The following ADGRG5 variants were observed in gnomAD, a reference collection of about 807,000 sequenced individuals.
The protein encoded by ADGRG5 is G protein-coupled receptor 114.
In ADGRG5, 37 loss-of-function variants were observed where a neutral mutation model predicts 53.2. The ratio of observed to expected loss-of-function variants is 0.70; its 90% CI spans 0.53 to 0.91. The LOEUF (loss-of-function observed/expected upper bound fraction) is 0.91. Ranked by LOEUF, ADGRG5 falls within the 40% of genes least tolerant of loss-of-function variation. The pLI, the probability that ADGRG5 is intolerant of heterozygous loss-of-function variation, is 0.00. For synonymous variants in ADGRG5, 277 were observed against 290.4 expected (o/e 0.95, Z 0.47); for missense variants, 614 against 675.8 (o/e 0.91, Z 1.01).
At chr16:57,567,619 GC>G in intron 8 of ADGRG5, 28 bp downstream of exon 8, 1 of 1,604,124 alleles carries the variant, frequency 6.2e-7, no homozygotes. Flanking sequence ...TGCTGGGCCT[GC>G]CCTGCACTGT....
the ADGRG5 span, among the ~76,000 whole-genome samples, chr16:57,536,956 T>A: frequency 6.6e-6 from 1 of 152,180 alleles, no homozygotes. Flanking sequence ...TTCACTGTTG[T>A]TACCTGCATT....
chr16:57,555,247 A>C (rs2032856020), intron 1 of ADGRG5, among the ~76,000 whole-genome samples: 1 of 152,126 alleles, frequency 6.6e-6, no homozygotes, highest in Admixed American at 6.5e-5. Context: ...CTCATCTTGA[A>C]TTGTAGTTCC....
upstream of ADGRG5, among the ~76,000 whole-genome samples, chr16:57,540,653 A>C (rs2032475963): frequency 1.3e-5 from 2 of 152,178 alleles, no homozygotes; most frequent in African/African-American, 4.8e-5. Flanking sequence ...AGGGCTTCCC[A>C]GGTACATGTG....
intron 11 of ADGRG5, 53 bp from the exon 12 acceptor site, chr16:57,575,385 G>C: frequency 6.5e-7 from 1 of 1,541,108 alleles, no homozygotes; most frequent in Non-Finnish European, 9.0e-7. Context: ...AGGAGACCCT[G>C]GCCTTTGGGG....
intron 8 of ADGRG5, 32 bp from the exon 9 acceptor site, chr16:57,567,817 ATGTCCCT>A (rs1463463861): frequency 2.5e-6 from 4 of 1,585,158 alleles, no homozygotes; most frequent in Non-Finnish European, 3.4e-6. Context: ...TGCCTGGGTG[ATGTCCCT>A]GGGCCATGGA....
At chr16:57,570,385 C>T (rs1356989812) in intron 9 of ADGRG5, 33 bp from the exon 10 acceptor site, 1 of 1,463,896 alleles carries the variant, frequency 6.8e-7, no homozygotes, top group Admixed American at 1.7e-5. Context: ...CAGCCCTCTC[C>T]CACATCTCCT....
At chr16:57,571,585 A>G (rs1322696402) in intron 10 of ADGRG5, among the ~76,000 whole-genome samples, 3 of 152,036 alleles carry the variant, frequency 2.0e-5, no homozygotes, top group Admixed American at 6.5e-5. Context: ...ATCATCCCCA[A>G]CCTACAGATG....
chr16:57,541,531 G>A (rs561119238), upstream of ADGRG5, among the ~76,000 whole-genome samples: 1 of 152,348 alleles, frequency 6.6e-6, no homozygotes, highest in South Asian at 2.1e-4. Context: ...CCTCCAAGGA[G>A]CAGCTCCCTC....
At chr16:57,551,196 A>G (rs2107236) in intron 1 of ADGRG5, among the ~76,000 whole-genome samples, 80,910 of 152,090 alleles carry the variant, frequency 0.53, 23,190 homozygotes, top group African/African-American at 0.73. Flanking sequence ...GCTGGTGGAA[A>G]GTCTTGCCTT....
At chr16:57,543,751 C>T (rs1177953626) in intron 1 of ADGRG5, among the ~76,000 whole-genome samples, 4 of 152,076 alleles carry the variant, frequency 2.6e-5, no homozygotes, top group African/African-American at 9.7e-5. Flanking sequence ...GGTGCATGGT[C>T]AGCTGTAGGG....
chr16:57,564,612 G>A (rs1237053749), intron 5 of ADGRG5, among the ~76,000 whole-genome samples: 1 of 152,198 alleles, frequency 6.6e-6, no homozygotes, highest in African/African-American at 2.4e-5. Flanking sequence ...TGATCTTAGA[G>A]ATTTAATGTC....
chr16:57,554,389 T>G (rs2032826204), intron 1 of ADGRG5, among the ~76,000 whole-genome samples: 1 of 151,946 alleles, frequency 6.6e-6, no homozygotes, highest in South Asian at 2.1e-4. Flanking sequence ...TTTTTTTTCT[T>G]TTTTCGAGAC....
intron 3 of ADGRG5, chr16:57,562,722 G>A: frequency 1.8e-6 from 1 of 552,860 alleles, no homozygotes; most frequent in Non-Finnish European, 3.2e-6. Flanking sequence ...TGGGAAGGGG[G>A]TCTAAGATTC....
chr16:57,530,435 C>A, the ADGRG5 span, among the ~76,000 whole-genome samples: 1 of 152,192 alleles, frequency 6.6e-6, no homozygotes, highest in Admixed American at 6.5e-5. Context: ...GTCCACAGAT[C>A]TTCACACCTG....
chr16:57,537,270 C>T, the ADGRG5 span, among the ~76,000 whole-genome samples: 1 of 151,674 alleles, frequency 6.6e-6, no homozygotes, highest in Non-Finnish European at 1.5e-5. Context: ...GGACAGGCGT[C>T]TGGAGGACTC....
At chr16:57,538,205 C>A (rs1169253873), upstream of ADGRG5, among the ~76,000 whole-genome samples, 1 of 152,150 alleles carries the variant, frequency 6.6e-6, no homozygotes, top group Non-Finnish European at 1.5e-5. Context: ...GATCGTAGAA[C>A]CAAAGTAGGT....
intron 1 of ADGRG5, among the ~76,000 whole-genome samples, chr16:57,546,021 T>C (rs2032610777): frequency 6.6e-6 from 1 of 152,190 alleles, no homozygotes; most frequent in Non-Finnish European, 1.5e-5. Context: ...AGACAGAGTT[T>C]CACCTTGTTG....
chr16:57,552,537 C>T (rs574605155), intron 1 of ADGRG5, among the ~76,000 whole-genome samples: 1 of 152,320 alleles, frequency 6.6e-6, no homozygotes, highest in South Asian at 2.1e-4. Context: ...CTTCCTCACC[C>T]ACCTTGGCCT....
intron 1 of ADGRG5, among the ~76,000 whole-genome samples, chr16:57,559,353 G>A (rs1288958522): frequency 6.6e-6 from 1 of 152,220 alleles, no homozygotes; most frequent in Non-Finnish European, 1.5e-5. Flanking sequence ...CCAGAGTGCA[G>A]ATGGGCTTCT....
Sources: gnomAD v4.1 joint callset for allele counts (sites outside exome capture counted in the v4.1 genomes callset) on GRCh38, gnomAD v4.1.1 for gene constraint, MANE v1.5 for transcripts, NCBI Gene and HGNC (gene_info 2026-07-23, HGNC 2026-07-21) for gene names.